Variants in CDKL2 observed in about 807,000 individuals in gnomAD.
CDKL2 encodes the protein cyclin-dependent kinase-like 2.
In CDKL2, 64 loss-of-function variants were observed where a neutral mutation model predicts 63.9. The observed-to-expected ratio is 1.00, with a 90% CI of 0.82 to 1.23. CDKL2 has a LOEUF of 1.23. Ranked by LOEUF, CDKL2 falls within the 50% of genes most tolerant of loss-of-function variation. The probability of loss-of-function intolerance (pLI) is 0.00; values close to 1 mark genes in which losing one functional copy is unlikely to be tolerated. For missense variants in CDKL2, 656 were observed against 668.0 expected (o/e 0.98, Z 0.20); for synonymous variants, 211 against 229.2 (o/e 0.92, Z 0.72).
intron 4 of CDKL2, among the ~76,000 whole-genome samples, chr4:75,606,248 T>G (rs1729422792): frequency 6.7e-6 from 1 of 149,414 alleles, no homozygotes; most frequent in African/African-American, 2.5e-5. Flanking sequence ...AGAATCTCAC[T>G]CTGTCGCCCA....
chr4:75,586,924 A>G (rs1728503842), intron 12 of CDKL2, among the ~76,000 whole-genome samples: 1 of 152,206 alleles, frequency 6.6e-6, no homozygotes, highest in Non-Finnish European at 1.5e-5. Flanking sequence ...TTAAGAACCT[A>G]GAAAAATTGA....
intron 4 of CDKL2, among the ~76,000 whole-genome samples, chr4:75,606,649 T>A (rs927659698): frequency 1.3e-5 from 2 of 152,204 alleles, no homozygotes; most frequent in African/African-American, 4.8e-5. Flanking sequence ...ACAAAAATTA[T>A]AACATGGTAG....
chr4:75,629,142 G>C (rs1480231225), intron 1 of CDKL2, among the ~76,000 whole-genome samples: 2 of 151,762 alleles, frequency 1.3e-5, no homozygotes, highest in East Asian at 1.9e-4. Flanking sequence ...CTTCCATTAA[G>C]AGAGTATGTT....
Position 75,596,950 on chromosome 4 carries a change from G to A in CDKL2, c.1307C>T (p.Pro436Leu). The change falls in exon 9 of 14, where the codon CCA becomes CTA. Residue 436 changes from proline to leucine, a missense_variant. Coordinates refer to ENST00000307465, the MANE Select transcript of CDKL2 (RefSeq NM_001330724.2). ...TAATTCATACCTGTAACCCTGAATTGGTATAGTCTCAGTCCCCATTCCAGA... is the reference window on the plus strand; with the variant it reads ...TAATTCATACCTGTAACCCTGAATTAGTATAGTCTCAGTCCCCATTCCAGA... ...INSGMGTETI[P>L]IQGYRVDEKT... is the part of the protein sequence containing the mutation. The A allele has an allele frequency of 6.2e-7, 1 of 1,612,902 alleles. No individual in the cohort carries two copies. Among genetic ancestry groups the A allele is most frequent in the Non-Finnish European group, 8.5e-7 (1 of 1,178,996 alleles).
intron 7 of CDKL2, 138 bp downstream of exon 7, chr4:75,600,143 T>C (rs1729116898): frequency 3.5e-6 from 2 of 573,534 alleles, no homozygotes; most frequent in South Asian, 2.6e-5. Context: ...GCTAAGGGAA[T>C]ATGGGGGTAG....
chr4:75,604,839 A>G (rs904652787), intron 5 of CDKL2, among the ~76,000 whole-genome samples: 9 of 152,222 alleles, frequency 5.9e-5, no homozygotes, highest in Admixed American at 4.6e-4. Context: ...GAGCGTGATT[A>G]AGAACATGCA....
chr4:75,600,232 CTT>C, intron 7 of CDKL2, 47 bp downstream of exon 7: 2 of 1,234,578 alleles, frequency 1.6e-6, no homozygotes, highest in Non-Finnish European at 2.4e-6. Flanking sequence ...TTGTGGAAGA[CTT>C]TAACCCTAGG....
chr4:75,601,039 C>A (rs1259824363), intron 6 of CDKL2, among the ~76,000 whole-genome samples: 1 of 151,960 alleles, frequency 6.6e-6, no homozygotes, highest in East Asian at 1.9e-4. Context: ...GTTTCTTCAA[C>A]AAATAAATTG....
At chr4:75,621,545 G>A (rs1372815974) in intron 2 of CDKL2, among the ~76,000 whole-genome samples, 3 of 150,388 alleles carry the variant, frequency 2.0e-5, no homozygotes, top group Non-Finnish European at 4.4e-5. Context: ...TTTTTGAAGC[G>A]ATGAGATCTC....
chr4:75,579,021 T>A lies in CDKL2; in HGVS notation c.*181A>T, dbSNP rs1728144275. 6.6e-6 allele frequency: 1 copy of A among 152,652 alleles called. No individual in the cohort carries two copies. The highest frequency in any genetic ancestry group is 1.5e-5 in the Non-Finnish European group (1 of 68,038). 9.5% of individuals were successfully genotyped at this position (152,652 alleles called of 1,614,324 possible). On this transcript the variant is annotated 3_prime_UTR_variant, in exon 14 of 14. Coordinates refer to ENST00000307465, the MANE Select transcript of CDKL2 (RefSeq NM_001330724.2). ...GAGGGCCATTTGTTCAATCTTCCTTTGAAACATTTGGAAGTCTTTGTCTTT... is the reference window on the plus strand; with the variant it reads ...GAGGGCCATTTGTTCAATCTTCCTTAGAAACATTTGGAAGTCTTTGTCTTT...
intron 3 of CDKL2, among the ~76,000 whole-genome samples, chr4:75,611,180 T>G (rs992825081): frequency 1.3e-5 from 2 of 152,014 alleles, no homozygotes; most frequent in Non-Finnish European, 2.9e-5. Context: ...AAATGGAGGC[T>G]GGGCACAGTG....
intron 10 of CDKL2, among the ~76,000 whole-genome samples, chr4:75,593,779 T>C (rs1035558981): frequency 3.9e-5 from 6 of 151,974 alleles, no homozygotes; most frequent in Non-Finnish European, 7.4e-5. Flanking sequence ...GAAAAACAAA[T>C]ACAATGTCCA....
chr4:75,606,254 G>C (rs913766968), intron 4 of CDKL2, among the ~76,000 whole-genome samples: 1 of 148,326 alleles, frequency 6.7e-6, no homozygotes, highest in Non-Finnish European at 1.5e-5. Context: ...TCACTCTGTC[G>C]CCCAGGCTGG....
At chr4:75,582,991 T>C (rs1728324084) in intron 12 of CDKL2, among the ~76,000 whole-genome samples, 3 of 152,084 alleles carry the variant, frequency 2.0e-5, no homozygotes, top group Admixed American at 1.3e-4. Flanking sequence ...CATTCTCAAA[T>C]GAAGAAAAAC....
At chr4:75,585,913 C>G (rs1171141708) in intron 12 of CDKL2, among the ~76,000 whole-genome samples, 3 of 152,220 alleles carry the variant, frequency 2.0e-5, no homozygotes, top group Non-Finnish European at 4.4e-5. Context: ...GAATACTGTA[C>G]TATTAACCAC....
chr4:75,588,675 T>C (rs587594397), intron 12 of CDKL2, among the ~76,000 whole-genome samples: 3 of 152,332 alleles, frequency 2.0e-5, no homozygotes, highest in East Asian at 3.9e-4. Context: ...CATATGTCTA[T>C]GTACCTAGCT....
intron 3 of CDKL2, among the ~76,000 whole-genome samples, chr4:75,610,076 C>T (rs1450143952): frequency 6.6e-6 from 1 of 152,060 alleles, no homozygotes; most frequent in East Asian, 1.9e-4. Context: ...GTGGCAGGCG[C>T]CTGTAGTCCC....
chr4:75,600,253 G>A (rs777640018), intron 7 of CDKL2, 28 bp downstream of exon 7: 10 of 1,442,808 alleles, frequency 6.9e-6, no homozygotes, highest in Non-Finnish European at 9.7e-6. Context: ...GGTTGGTATG[G>A]CCTGAAAAAC....
intron 4 of CDKL2, 77 bp downstream of exon 4, chr4:75,607,106 T>C (rs1729451346): frequency 2.6e-6 from 3 of 1,164,346 alleles, no homozygotes; most frequent in Admixed American, 2.2e-5. Flanking sequence ...AGGGATCATT[T>C]ACTATATCAT....
Sources: gnomAD v4.1 joint callset for allele counts (sites outside exome capture counted in the v4.1 genomes callset) on GRCh38, gnomAD v4.1.1 for gene constraint, MANE v1.5 for transcripts, NCBI Gene and HGNC (gene_info 2026-07-23, HGNC 2026-07-21) for gene names.